The following UNKL variants were observed in gnomAD, a reference collection of about 807,000 sequenced individuals.
UNKL encodes the protein unk like zinc finger, also known as putative E3 ubiquitin-protein ligase UNKL.
UNKL carries 60 observed loss-of-function variants against 78.0 expected under a neutral mutation model. The ratio of observed to expected loss-of-function variants is 0.77; its 90% CI spans 0.63 to 0.95. The LOEUF (loss-of-function observed/expected upper bound fraction) is 0.95, where lower values mean the gene tolerates loss of function less well. Among genes scored for constraint, UNKL ranks in the 40% least tolerant of loss-of-function variants. UNKL has a pLI of 0.00. For missense variants in UNKL, 1,159 were observed against 1,045.7 expected, an observed-to-expected ratio of 1.11 and a Z score of -1.49; for synonymous variants, 608 against 474.8, an observed-to-expected ratio of 1.28 and a Z score of -3.65.
chr16:1,401,473 T>A, intron 4 of UNKL, 95 bp downstream of exon 4: 1 of 1,352,546 alleles, frequency 7.4e-7, no homozygotes, highest in Non-Finnish European at 9.6e-7. Context: ...ACCTTGCACG[T>A]AAACTGAAAG....
At chr16:1,392,606 T>C (rs1400972734) in intron 8 of UNKL, among the ~76,000 whole-genome samples, 2 of 152,110 alleles carry the variant, frequency 1.3e-5, no homozygotes, top group Non-Finnish European at 2.9e-5. Flanking sequence ...GGTTAATTTT[T>C]GTATTTTTAG....
At chr16:1,379,159 G>C (rs912746097) in intron 10 of UNKL, 1 of 152,338 alleles carries the variant, frequency 6.6e-6, no homozygotes, top group African/African-American at 2.4e-5. Context: ...GGACACGCGA[G>C]GACAAGCTAC....
intron 10 of UNKL, among the ~76,000 whole-genome samples, chr16:1,376,364 C>T (rs1183051240): frequency 6.7e-6 from 1 of 148,738 alleles, no homozygotes; most frequent in Non-Finnish European, 1.5e-5. Context: ...TGGGGTGCTC[C>T]TCTTCCCTCC....
chr16:1,385,413 G>T, intron 9 of UNKL, 28 bp from the exon 10 acceptor site: 1 of 1,316,924 alleles, frequency 7.6e-7, no homozygotes, highest in Non-Finnish European at 9.7e-7. Flanking sequence ...CACCGTGAGC[G>T]CGCACCCCCT....
chr16:1,397,483 G>T (rs1596739357), intron 5 of UNKL, among the ~76,000 whole-genome samples, 188 bp from the exon 6 acceptor site: 1 of 87,104 alleles, frequency 1.1e-5, no homozygotes, highest in Non-Finnish European at 2.4e-5. Context: ...GGGATGAGGA[G>T]GTGTCAGGAG....
intron 12 of UNKL, among the ~76,000 whole-genome samples, chr16:1,368,648 C>A (rs1485069692): frequency 2.1e-5 from 3 of 145,342 alleles, no homozygotes; most frequent in Non-Finnish European, 4.5e-5. Context: ...GGCCTGTCAT[C>A]CCAGCACTTT....
At chr16:1,379,581 A>G in intron 10 of UNKL, 29 of 985,084 alleles carry the variant, frequency 2.9e-5, no homozygotes, top group Non-Finnish European at 3.4e-5. Context: ...CCGCCGAGTA[A>G]CGAGACCCGC....
At position 1,401,517 on chromosome 16, in the gene UNKL, C is replaced by T. The variant is rs546502079; in HGVS notation, c.598+51G>A. 43 of 1,468,364 alleles carry T rather than the reference C, an allele frequency of 2.9e-5. No individual in the cohort carries two copies. The East Asian group carries it at 8.7e-4, about 30-fold the overall frequency. The allele number at this position is 1,468,364 out of a possible 1,614,324, so 91.0% of individuals were successfully genotyped here. ...AACCAAGTGGCCCGAGCTGTTCTCG[C>T]GCTGTGCCCGCCCCCCCCACCACCG... On this transcript the variant is annotated intron_variant, in intron 4 of 14. Transcript: ENST00000389221.
In UNKL at chr16:1,366,293, C is replaced by T. The variant is rs770268792; in HGVS notation, c.2149G>A (p.Ala717Thr). The T allele has an allele frequency of 6.3e-7, 1 of 1,597,876 alleles. No homozygotes were observed. The highest frequency in any genetic ancestry group is 8.5e-7 in the Non-Finnish European group (1 of 1,173,762). ...CQHHILCEPC[A>T]ATAPECPYCK... ...TAGGGGCACTCAGGTGCGGTGGCCGCACACGGCTCACAGAGGATGTGGTGC... is the reference window on the plus strand; with the variant it reads ...TAGGGGCACTCAGGTGCGGTGGCCGTACACGGCTCACAGAGGATGTGGTGC... The change falls in exon 15 of 15, where the codon GCG (alanine) becomes ACG (threonine). Residue 717 changes from alanine to threonine, a missense_variant. By Grantham distance (58) the Ala-to-Thr change is moderately conservative. Transcript: ENST00000389221.
chr16:1,391,764 T>C (rs1368622899), intron 8 of UNKL, among the ~76,000 whole-genome samples: 1 of 152,164 alleles, frequency 6.6e-6, no homozygotes. Flanking sequence ...CTCAGCTCAC[T>C]GCAAGCTCCA....
chr16:1,368,187 T>G (rs2035466522), intron 12 of UNKL: 1 of 401,028 alleles, frequency 2.5e-6, no homozygotes, highest in African/African-American at 2.0e-5. Flanking sequence ...GTTCTCAGAC[T>G]CCACTCCCAG....
In UNKL at chr16:1,370,465, G is replaced by T. The variant is rs947653293; in HGVS notation, c.1358-108C>A. 4.8e-6 allele frequency: 7 copies of T among 1,456,482 alleles called. No individual in the cohort carries two copies. In the African/African-American group the frequency reaches 7.2e-5, roughly 15 times the overall value. 90.2% of individuals were successfully genotyped at this position (1,456,482 alleles called of 1,614,324 possible). On this transcript the variant is annotated intron_variant, in intron 11 of 14. Coordinates refer to ENST00000389221, the MANE Select transcript of UNKL (RefSeq NM_001372107.1). ...CGGACCCTGCAGGTGGTGGTGGTGG[G>T]GATATGGGGGGTGGGAATATAGGGG...
At chr16:1,386,531 G>A (rs1457813832) in intron 9 of UNKL, among the ~76,000 whole-genome samples, 2 of 152,132 alleles carry the variant, frequency 1.3e-5, no homozygotes, top group Admixed American at 1.3e-4. Flanking sequence ...TGCAGCCCAG[G>A]CAACAGAGAG....
chr16:1,376,050 G>C (rs1019330090), intron 10 of UNKL, among the ~76,000 whole-genome samples: 1 of 152,144 alleles, frequency 6.6e-6, no homozygotes, highest in East Asian at 1.9e-4. Context: ...TGAGATCTGT[G>C]GCGGGCAGGG....
chr16:1,411,713 T>C (rs2038046056), intron 2 of UNKL, among the ~76,000 whole-genome samples: 1 of 151,548 alleles, frequency 6.6e-6, no homozygotes, highest in South Asian at 2.1e-4. Flanking sequence ...TAATCCCAGC[T>C]ACTCGGGAGG....
intron 10 of UNKL, among the ~76,000 whole-genome samples, chr16:1,376,296 T>C (rs1299430096): frequency 2.1e-5 from 2 of 95,534 alleles, no homozygotes; most frequent in Non-Finnish European, 4.1e-5. Context: ...CCTCCTCCAC[T>C]CTCCCTCCTC....
intron 10 of UNKL, among the ~76,000 whole-genome samples, chr16:1,384,297 A>AG (rs2036725742): frequency 6.6e-6 from 1 of 151,616 alleles, no homozygotes. Flanking sequence ...AGGGGCTGAA[A>AG]GGGACCAAGG....
intron 10 of UNKL, among the ~76,000 whole-genome samples, chr16:1,375,303 C>T (rs978879855): frequency 5.9e-5 from 9 of 152,324 alleles, no homozygotes; most frequent in Admixed American, 4.6e-4. Context: ...CCACCCAGAG[C>T]GGCAGGCGGG....
At chr16:1,398,681 A>AGGCCCCCCCC in intron 5 of UNKL, 4 of 694,344 alleles carry the variant, frequency 5.8e-6, no homozygotes, top group Non-Finnish European at 7.7e-6. Context: ...TGGGGTCTGC[A>AGGCCCCCCCC]CCCCCCCACC....
Sources: allele counts gnomAD v4.1 joint callset (sites outside exome capture counted in the v4.1 genomes callset), GRCh38; gene constraint gnomAD v4.1.1; transcripts MANE v1.5; gene names NCBI Gene and HGNC (gene_info 2026-07-23, HGNC 2026-07-21).